CRK: variants seen among roughly 807,000 people sequenced by gnomAD.
CRK encodes CRK proto-oncogene, adaptor protein.
A neutral mutation model predicts 29.8 loss-of-function variants in CRK; 4 were observed. The ratio of observed to expected loss-of-function variants is 0.13; its 90% CI spans 0.07 to 0.31. The LOEUF is 0.31. Among genes scored for constraint, CRK ranks in the 10% least tolerant of loss-of-function variants. CRK has a pLI of 1.00. For missense variants in CRK, 274 were observed against 396.5 expected (o/e 0.69, Z 2.62); for synonymous variants, 153 against 164.9 (o/e 0.93, Z 0.55).
chr17:1,421,489 C>A lies in CRK; in HGVS notation c.*2024G>T, dbSNP rs1473966102. ...TGTGTTCATTCAACACTAATGAGCA[C>A]CCACTCTGTGCATAGCACTGGGCTA... On this transcript the variant is annotated 3_prime_UTR_variant, in exon 3 of 3. Coordinates refer to ENST00000300574, the MANE Select transcript of CRK (RefSeq NM_016823.4). The A allele has an allele frequency of 1.3e-5, 2 of 152,176 alleles. No homozygotes were observed. The highest frequency in any genetic ancestry group is 4.8e-5 in the African/African-American group (2 of 41,436). 9.4% of individuals were successfully genotyped at this position (152,176 alleles called of 1,614,324 possible).
chr17:1,432,725 C>T (rs2073855758), intron 2 of CRK, among the ~76,000 whole-genome samples: 2 of 144,470 alleles, frequency 1.4e-5, no homozygotes, highest in African/African-American at 5.2e-5. Context: ...TGCAGTGCGC[C>T]GAGATCACGC....
At chr17:1,438,605 T>TA (rs965715680) in intron 1 of CRK, among the ~76,000 whole-genome samples, 39 of 147,452 alleles carry the variant, frequency 2.6e-4, no homozygotes, top group African/African-American at 4.5e-4. Flanking sequence ...AACAGGTCAT[T>TA]AAAAAAAAAA....
chr17:1,445,604 A>C (rs1439024786), intron 1 of CRK, among the ~76,000 whole-genome samples: 2 of 152,202 alleles, frequency 1.3e-5, no homozygotes, highest in Non-Finnish European at 2.9e-5. Flanking sequence ...ATTCCTATTC[A>C]AGTCTGGTAG....
chr17:1,431,622 C>T (rs1471497714), intron 2 of CRK, among the ~76,000 whole-genome samples: 1 of 152,122 alleles, frequency 6.6e-6, no homozygotes, highest in Non-Finnish European at 1.5e-5. Flanking sequence ...GAGTCTCACT[C>T]TGTCGCCTAG....
intron 1 of CRK, among the ~76,000 whole-genome samples, chr17:1,452,073 T>A (rs775238430): frequency 6.6e-6 from 1 of 152,186 alleles, no homozygotes; most frequent in Non-Finnish European, 1.5e-5. Flanking sequence ...GACCTCTATG[T>A]GCACTGCTGA....
chr17:1,452,463 G>A (rs2074025266), intron 1 of CRK, among the ~76,000 whole-genome samples: 1 of 152,170 alleles, frequency 6.6e-6, no homozygotes, highest in South Asian at 2.1e-4. Flanking sequence ...CTTAGTACTT[G>A]AGATTTGTGA....
Position 1,444,788 on chromosome 17 carries a change from G to A in CRK, c.242-7633C>T, listed in dbSNP as rs181418694. Among the ~76,000 whole-genome samples the A allele has an allele frequency of 2.7e-3, 406 of 148,216 alleles. 2 individuals are homozygous for A. Among genetic ancestry groups the A allele is most frequent in the African/African-American group, 9.5e-3 (379 of 39,960 alleles). On this transcript the variant is annotated intron_variant, in intron 1 of 2. Transcript: ENST00000300574. ...GTGGAGGCTGCGGTGAGCTGAGATC[G>A]CACCATTGCACTCCAGCCTGGGCAA...
rs2073725944 is a variant in CRK at position 1,421,677 on chromosome 17, T to A, written c.*1836A>T. On this transcript the variant is annotated 3_prime_UTR_variant, in exon 3 of 3. Transcript: ENST00000300574. The stretch of plus-strand genomic sequence containing the variant: ...GTCACCGGTTTCTCAGGTCTCCTCA[T>A]TCACTCAGACAAATACGTGCACACT... 6.6e-6 allele frequency: 1 copy of A among 152,204 alleles called. No individual in the cohort carries two copies. The highest frequency in any genetic ancestry group is 6.6e-5 in the Admixed American group (1 of 15,260). The allele number at this position is 152,204 out of a possible 1,614,324, so 9.4% of individuals were successfully genotyped here. A position where few individuals can be genotyped will look rare whatever the true frequency, so the allele number is the denominator to read the frequency against.
intron 1 of CRK, among the ~76,000 whole-genome samples, chr17:1,439,921 G>A (rs923485272): frequency 1.3e-5 from 2 of 152,158 alleles, no homozygotes; most frequent in Admixed American, 6.6e-5. Flanking sequence ...AGGAGGCTGA[G>A]GTGGGAGGAT....
chr17:1,447,177 A>G (rs760651398), intron 1 of CRK, among the ~76,000 whole-genome samples: 15 of 151,992 alleles, frequency 9.9e-5, no homozygotes, highest in Non-Finnish European at 2.1e-4. Context: ...TCTCCTTCCA[A>G]CCACAAACAG....
At chr17:1,446,752 C>G (rs949282984) in intron 1 of CRK, among the ~76,000 whole-genome samples, 1 of 151,994 alleles carries the variant, frequency 6.6e-6, no homozygotes, top group Non-Finnish European at 1.5e-5. Flanking sequence ...CCACCACGCC[C>G]GGGTTTTTTT....
intron 2 of CRK, among the ~76,000 whole-genome samples, chr17:1,433,287 A>C (rs946008802): frequency 1.3e-5 from 2 of 152,154 alleles, no homozygotes; most frequent in Admixed American, 6.6e-5. Flanking sequence ...CCCTACTACC[A>C]ACCAGCAGCA....
At chr17:1,424,769 T>C (rs1360298437) in intron 2 of CRK, 1 of 152,182 alleles carries the variant, frequency 6.6e-6, no homozygotes, top group Non-Finnish European at 1.5e-5. Flanking sequence ...CAGCACTTGG[T>C]GAGCCTGACA....
rs915017525 is a variant in CRK at position 1,455,867 on chromosome 17, A to G, written c.241+10T>C. 6.4e-7 allele frequency: 1 copy of G among 1,566,080 alleles called. No individual in the cohort carries two copies. The highest frequency in any genetic ancestry group is 1.4e-5 in the African/African-American group (1 of 71,260). On this transcript the variant is annotated intron_variant, in intron 1 of 2. Coordinates refer to ENST00000300574, the MANE Select transcript of CRK (RefSeq NM_016823.4). ...CCCGCCCAGGGCCCGCCGTCCCGTC[A>G]GTCCCTCACCGGGCGGAGGCTGGGC... is the stretch of plus-strand genomic sequence containing the variant.
chr17:1,438,222 C>G (rs944560011), intron 1 of CRK, among the ~76,000 whole-genome samples: 4 of 152,034 alleles, frequency 2.6e-5, no homozygotes, highest in Non-Finnish European at 4.4e-5. Context: ...CTTGACCTCC[C>G]AGGCTCAAGT....
intron 2 of CRK, among the ~76,000 whole-genome samples, chr17:1,431,066 CAAAA>C (rs1348977388): frequency 2.4e-5 from 2 of 84,368 alleles, no homozygotes; most frequent in Non-Finnish European, 5.2e-5. Context: ...GACTCCGTCT[CAAAA>C]CAAACAAACA....
intron 2 of CRK, among the ~76,000 whole-genome samples, chr17:1,430,371 T>G (rs953881851): frequency 6.9e-6 from 1 of 145,500 alleles, no homozygotes; most frequent in Non-Finnish European, 1.5e-5. Context: ...TAGTATTATT[T>G]TTTGAGACAG....
At chr17:1,448,628 A>T (rs1266023644) in intron 1 of CRK, among the ~76,000 whole-genome samples, 1 of 141,610 alleles carries the variant, frequency 7.1e-6, no homozygotes, top group Non-Finnish European at 1.5e-5. Flanking sequence ...CTCAAAAAAA[A>T]AAAAAAAAAA....
At chr17:1,426,965 G>C (rs1197470978) in intron 2 of CRK, among the ~76,000 whole-genome samples, 1 of 140,820 alleles carries the variant, frequency 7.1e-6, no homozygotes, top group African/African-American at 2.6e-5. Context: ...CCGGGAGGCA[G>C]AGATTGCAGT....
Sources: gnomAD v4.1 joint callset for allele counts (sites outside exome capture counted in the v4.1 genomes callset) on GRCh38, gnomAD v4.1.1 for gene constraint, MANE v1.5 for transcripts, NCBI Gene and HGNC (gene_info 2026-07-23, HGNC 2026-07-21) for gene names.